ANXA4: variants seen among roughly 807,000 people sequenced by gnomAD.
The protein encoded by ANXA4 is annexin A4.
A neutral mutation model predicts 49.8 loss-of-function variants in ANXA4; 39 were observed. The observed-to-expected ratio is 0.78, with a 90% confidence interval of 0.61 to 1.02. The LOEUF is 1.02. Ranked by LOEUF, ANXA4 falls within the 50% of genes least tolerant of loss-of-function variation. The probability of loss-of-function intolerance (pLI) is 0.00; values close to 1 mark genes in which losing one functional copy is unlikely to be tolerated. For missense variants in ANXA4, 360 were observed against 410.1 expected, an observed-to-expected ratio of 0.88 and a Z score of 1.05; for synonymous variants, 134 against 152.5, an observed-to-expected ratio of 0.88 and a Z score of 0.89.
intron 1 of ANXA4, among the ~76,000 whole-genome samples, chr2:69,762,385 A>AG (rs1253293863): frequency 8.3e-4 from 122 of 146,652 alleles, no homozygotes; most frequent in African/African-American, 3.1e-3. Flanking sequence ...GACCCCGTCT[A>AG]GGGGAAAAAA....
chr2:69,802,939 G>A (rs1673278866), intron 3 of ANXA4, among the ~76,000 whole-genome samples: 1 of 152,052 alleles, frequency 6.6e-6, no homozygotes, highest in Non-Finnish European at 1.5e-5. Context: ...GCTCATGCCT[G>A]TAATCTCAGC....
In ANXA4 at chr2:69,794,949, A is replaced by G. The variant is rs549377828; in HGVS notation, c.97+6808A>G. 4.6e-5 allele frequency among the ~76,000 whole-genome samples: 7 copies of G among 152,260 alleles called. 1 individual carries two copies. Among genetic ancestry groups the G allele is most frequent in the Middle Eastern group, 3.4e-3 (1 of 294 alleles). On this transcript the variant is annotated intron_variant, in intron 3 of 12. Transcript: ENST00000394295. ...TCCAGTAATGCCCAAGAATTTCCCT[A>G]ACTATCAAAGGAAATGGGCCTAATC... is the stretch of plus-strand genomic sequence containing the variant.
At chr2:69,822,778 A>T (rs1674298137) in intron 12 of ANXA4, among the ~76,000 whole-genome samples, 1 of 152,172 alleles carries the variant, frequency 6.6e-6, no homozygotes, top group Non-Finnish European at 1.5e-5. Context: ...AAAGAATGGG[A>T]GTTATTGGTT....
chr2:69,794,493 GTATGT>G (rs1431892811), intron 3 of ANXA4, among the ~76,000 whole-genome samples: 7 of 110,490 alleles, frequency 6.3e-5, no homozygotes, highest in Admixed American at 5.7e-4. Context: ...CTGAGGGCTG[GTATGT>G]TATGTTATAT....
chr2:69,746,445 TTTTG>T (rs1209648400), intron 1 of ANXA4, among the ~76,000 whole-genome samples: 3 of 152,178 alleles, frequency 2.0e-5, no homozygotes, highest in Admixed American at 6.5e-5. Flanking sequence ...CTAAAGGTTT[TTTTG>T]TTTGTTTGTT....
rs150223608 is a variant in ANXA4 at position 69,703,208 on chromosome 2, A to G, written n.767-17566A>G. Among the ~76,000 whole-genome samples, 154 of 149,832 alleles carry G rather than the reference A, an allele frequency of 1.0e-3. 1 individual carries two copies. Among genetic ancestry groups the G allele is most frequent in the African/African-American group, 3.4e-3 (138 of 40,932 alleles). On this transcript the variant is annotated intron_variant and non_coding_transcript_variant, in intron 2 of 3. Transcript: ENST00000418066. ...CCTCATGTGTGGGTCAGAACCCCCT[A>G]TGGACTCTTTCGCCTCTGGCTTCCT...
chr2:69,700,144 A>C (rs1295522965), intron 2 of ANXA4: 1 of 152,262 alleles, frequency 6.6e-6, no homozygotes, highest in Non-Finnish European at 1.5e-5. Context: ...TAGATAAAAC[A>C]TCCAAATGGA....
chr2:69,730,542 C>T (rs560230601), intron 3 of ANXA4, among the ~76,000 whole-genome samples: 1 of 152,278 alleles, frequency 6.6e-6, no homozygotes, highest in South Asian at 2.1e-4. Flanking sequence ...AATTTGTGAG[C>T]AGTCTCCTTC....
chr2:69,814,793 T>TGTGTGTGTGA (rs1431461618), intron 8 of ANXA4: 1 of 44,004 alleles, frequency 2.3e-5, no homozygotes, highest in African/African-American at 7.7e-5. Flanking sequence ...TGTGTGTGTG[T>TGTGTGTGTGA]GAGAGAAAGA....
rs538136472 is a variant in ANXA4, at chr2:69,689,168, C to T, written n.767-31606C>T. Among the ~76,000 whole-genome samples, 10 of 152,074 alleles carry T rather than the reference C, an allele frequency of 6.6e-5. No individual in the cohort carries two copies. The East Asian group carries it at 1.5e-3, about 23-fold the overall frequency. On this transcript the variant is annotated intron_variant and non_coding_transcript_variant, in intron 2 of 3. Transcript: ENST00000418066. ...GTAAAGTGGCATGATCATAGTCCAC[C>T]GCAGCCTTGAACTGGGTTCAAGTGA...
At chr2:69,695,780 T>C (rs1469516476) in intron 2 of ANXA4, among the ~76,000 whole-genome samples, 1 of 152,232 alleles carries the variant, frequency 6.6e-6, no homozygotes, top group African/African-American at 2.4e-5. Flanking sequence ...TTGGAATAAG[T>C]GAGTCACACA....
intron 1 of ANXA4, among the ~76,000 whole-genome samples, chr2:69,776,914 A>G (rs1671981417): frequency 1.3e-5 from 2 of 152,202 alleles, no homozygotes. Context: ...GCCAGTGTCA[A>G]GTCCAGCTTG....
At chr2:69,740,860 T>G (rs1403972403), upstream of ANXA4, among the ~76,000 whole-genome samples, 11 of 145,180 alleles carry the variant, frequency 7.6e-5, no homozygotes, top group East Asian at 5.8e-4. Flanking sequence ...TATATGTTTT[T>G]TTTTTTTTTT....
intron 2 of ANXA4, among the ~76,000 whole-genome samples, chr2:69,707,999 T>C (rs1226137106): frequency 6.6e-6 from 1 of 152,222 alleles, no homozygotes; most frequent in Non-Finnish European, 1.5e-5. Context: ...CTCAGCAACA[T>C]GGTTTTCTCC....
intron 1 of ANXA4, among the ~76,000 whole-genome samples, chr2:69,773,108 T>C (rs1411217124): frequency 1.3e-5 from 2 of 152,238 alleles, no homozygotes; most frequent in African/African-American, 4.8e-5. Context: ...ATGTGTATAT[T>C]ACACTGTGTG....
At chr2:69,739,728 CTTTAA>C (rs1264270760), upstream of ANXA4, among the ~76,000 whole-genome samples, 1 of 152,104 alleles carries the variant, frequency 6.6e-6, no homozygotes, top group Non-Finnish European at 1.5e-5. Flanking sequence ...CCAGCCCTAT[CTTTAA>C]TTTAAAGGCT....
intron 2 of ANXA4, among the ~76,000 whole-genome samples, chr2:69,658,914 T>C (rs1013005935): frequency 1.3e-4 from 20 of 152,320 alleles, no homozygotes; most frequent in African/African-American, 4.3e-4. Context: ...GTCAGGCTGG[T>C]CTCGAACTCC....
intron 2 of ANXA4, among the ~76,000 whole-genome samples, chr2:69,687,049 G>T (rs1444845053): frequency 2.0e-5 from 3 of 152,374 alleles, no homozygotes; most frequent in Middle Eastern, 3.4e-3. Flanking sequence ...GAGCGGCGCT[G>T]TGCAGCCTGG....
intron 1 of ANXA4, among the ~76,000 whole-genome samples, chr2:69,776,059 C>T (rs1450359474): frequency 1.3e-5 from 2 of 151,964 alleles, no homozygotes; most frequent in African/African-American, 4.8e-5. Flanking sequence ...CTGCAGCCTC[C>T]ACTTCTGGGG....
Sources: allele counts gnomAD v4.1 joint callset (sites outside exome capture counted in the v4.1 genomes callset), GRCh38; gene constraint gnomAD v4.1.1; transcripts MANE v1.5; gene names NCBI Gene and HGNC (gene_info 2026-07-23, HGNC 2026-07-21).